The following SLX4 variants were observed in gnomAD, a reference collection of about 807,000 sequenced individuals.
SLX4 encodes structure-specific endonuclease subunit SLX4.
Under a neutral mutation model 146.2 loss-of-function variants are expected in SLX4, and 112 were observed. That is an observed-to-expected ratio of 0.77 (90% CI 0.66 to 0.90). The LOEUF is 0.90. SLX4 is among the 40% of genes least tolerant of loss of function. SLX4 has a pLI of 0.00. For missense variants in SLX4, 2,563 were observed against 2,392.7 expected, an observed-to-expected ratio of 1.07 and a Z score of -1.49; for synonymous variants, 1,061 against 997.7, an observed-to-expected ratio of 1.06 and a Z score of -1.20.
rs753755892 is a variant in SLX4 at position 3,591,226 on chromosome 16, T to C, written c.2412A>G (p.Glu804=). The change falls in exon 12 of 15, where the codon GAA becomes GAG. Residue 804 remains glutamate (E), a synonymous_variant. Coordinates refer to ENST00000294008, the MANE Select transcript of SLX4 (RefSeq NM_032444.4). The part of the protein sequence containing the change: ...DSEGKPWEEK[E]AENCESRAEN... ...CGGCCCTGCTTTCGCAATTCTCTGC[T>C]TCCTTCTCCTCCCATGGTTTGCCCT... 5.0e-6 allele frequency: 8 copies of C among 1,613,812 alleles called. No homozygotes were observed. The highest frequency in any genetic ancestry group is 5.9e-6 in the Non-Finnish European group (7 of 1,180,036).
Position 3,597,019 on chromosome 16 carries a change from C to A in SLX4, c.1683+360G>T, listed in dbSNP as rs1377888735. Among the ~76,000 whole-genome samples, 1 of 152,122 alleles carries A rather than the reference C, an allele frequency of 6.6e-6. No individual in the cohort carries two copies. The highest frequency in any genetic ancestry group is 2.4e-5 in the African/African-American group (1 of 41,416). On this transcript the variant is annotated intron_variant, in intron 7 of 14. Transcript: ENST00000294008. The surrounding 1 kb of genome is among the most constrained non-coding windows in gnomAD (Gnocchi z 4.4). ...TGTATTCTTAGTAGAGATGGGGTTT[C>A]ACCATATTAGCCAGGCTGGTCTCGA... is the stretch of plus-strand genomic sequence containing the variant.
intron 2 of SLX4, among the ~76,000 whole-genome samples, chr16:3,607,262 C>G (rs1436241339): frequency 2.6e-5 from 4 of 152,010 alleles, no homozygotes; most frequent in African/African-American, 9.7e-5. Context: ...GCAAAGAGCA[C>G]GAGAGACCAG....
In SLX4 at chr16:3,608,592, C is replaced by A; in HGVS notation, c.373G>T (p.Val125Leu). ...GGTTCACTTGCTTGCCATTTGGTTA[C>A]CCTTTGCTTTTTAGTCCTAGGGGCC... is the stretch of plus-strand genomic sequence containing the variant. Reference protein sequence around the residue: ...SQAPRTKKQRVTKWQASEPAH... With the variant: ...SQAPRTKKQRLTKWQASEPAH... Residue 125 changes from valine (V) to leucine (L), a missense_variant, in exon 2 of 15, where the codon GTA becomes TTA. Coordinates refer to ENST00000294008, the MANE Select transcript of SLX4 (RefSeq NM_032444.4). 6.2e-7 allele frequency: 1 copy of A among 1,614,126 alleles called. No individual in the cohort carries two copies. Among genetic ancestry groups the A allele is most frequent in the Non-Finnish European group, 8.5e-7 (1 of 1,180,024 alleles).
Position 3,592,262 on chromosome 16 carries a change from G to A in SLX4, c.2327+437C>T, listed in dbSNP as rs74915697. ...CTGCTGCCTCTCTCCTAAGATGCTG[G>A]CTGGACAAGCCAGGAGAGCTGTGGC... On this transcript the variant is annotated intron_variant, in intron 11 of 14. Transcript: ENST00000294008. 5.3e-3 allele frequency among the ~76,000 whole-genome samples: 804 copies of A among 152,370 alleles called. 11 individuals are homozygous for A. Among genetic ancestry groups the A allele is most frequent in the African/African-American group, 0.018 (758 of 41,588 alleles).
At chr16:3,582,991 CG>C in intron 14 of SLX4, 105 bp downstream of exon 14, 2 of 1,427,676 alleles carry the variant, frequency 1.4e-6, no homozygotes, top group Non-Finnish European at 2.0e-6. Flanking sequence ...CAGAAGGTGA[CG>C]GGGGTTTTTG....
At chr16:3,601,881 T>C in intron 4 of SLX4, 1 of 513,634 alleles carries the variant, frequency 1.9e-6, no homozygotes, top group Non-Finnish European at 3.5e-6. Context: ...GTGATTGTGG[T>C]GACAGTTGCC....
In SLX4 at chr16:3,596,404, C is replaced by A; in HGVS notation, c.1684-11G>T. 6.3e-7 allele frequency: 1 copy of A among 1,583,742 alleles called. No individual in the cohort carries two copies. The highest frequency in any genetic ancestry group is 8.6e-7 in the Non-Finnish European group (1 of 1,161,636). The stretch of plus-strand genomic sequence containing the variant: ...CTCCTGCATAAGGCCCTGAAAGAAG[C>A]CAGTAAGGAGAGTGACCACGTGGTC... On this transcript the variant is annotated splice_polypyrimidine_tract_variant and intron_variant, in intron 7 of 14. Coordinates refer to ENST00000294008, the MANE Select transcript of SLX4 (RefSeq NM_032444.4).
intron 12 of SLX4, among the ~76,000 whole-genome samples, chr16:3,587,851 GCTCA>G (rs2040525329): frequency 6.6e-6 from 1 of 152,202 alleles, no homozygotes; most frequent in Admixed American, 6.5e-5. Flanking sequence ...GCAGGCAGGT[GCTCA>G]CTCACAGCCT....
Position 3,597,257 on chromosome 16 carries a change from T to A in SLX4, c.1683+122A>T. The A allele has an allele frequency of 8.4e-7, 1 of 1,186,796 alleles. No homozygotes were observed. Among genetic ancestry groups the A allele is most frequent in the Non-Finnish European group, 1.2e-6 (1 of 867,684 alleles). 73.5% of individuals were successfully genotyped at this position (1,186,796 alleles called of 1,614,324 possible). Reference sequence around the variant, plus strand: ...GCCACCAAGTGCCCCTCTGGCCTCCTCCCGCCTCTGCCTTTCCTTCCTGGA... The same window carrying A: ...GCCACCAAGTGCCCCTCTGGCCTCCACCCGCCTCTGCCTTTCCTTCCTGGA... On this transcript the variant is annotated intron_variant, in intron 7 of 14. Transcript: ENST00000294008. This position sits in a 1 kb window ranked among gnomAD's most constrained non-coding sequence, Gnocchi z 4.4.
intron 5 of SLX4, among the ~76,000 whole-genome samples, chr16:3,598,371 C>T (rs183003210): frequency 2.0e-5 from 3 of 152,294 alleles, no homozygotes; most frequent in Admixed American, 2.0e-4. Flanking sequence ...TCAATACTTC[C>T]GATGCTCCTT....
chr16:3,608,311 T>C (rs1385650598), intron 2 of SLX4, 119 bp downstream of exon 2: 1 of 1,063,924 alleles, frequency 9.4e-7, no homozygotes, highest in Non-Finnish European at 1.5e-6. Flanking sequence ...GCTTTCTCAC[T>C]ATGACAGCAG....
In SLX4 at chr16:3,597,261, G is replaced by A. The variant is rs113168577; in HGVS notation, c.1683+118C>T. The stretch of plus-strand genomic sequence containing the variant: ...CCAAGTGCCCCTCTGGCCTCCTCCC[G>A]CCTCTGCCTTTCCTTCCTGGACTTT... On this transcript the variant is annotated intron_variant, in intron 7 of 14. Transcript: ENST00000294008. This position sits in a 1 kb window ranked among gnomAD's most constrained non-coding sequence, Gnocchi z 4.4. 4.4e-3 allele frequency: 5,302 copies of A among 1,216,754 alleles called. 136 individuals carry two copies. In the African/African-American group the frequency reaches 0.063, roughly 14 times the overall value. The allele number at this position is 1,216,754 out of a possible 1,614,324, so 75.4% of individuals were successfully genotyped here.
chr16:3,597,851 C>T lies in SLX4; in HGVS notation c.1312G>A (p.Val438Ile), dbSNP rs1425055103. Reference sequence around the variant, plus strand: ...GCACTTTCCAGCCTGAGCGCTGGTACAGCCGCACCCGGCTCCATCTCCGAC... The same window carrying T: ...GCACTTTCCAGCCTGAGCGCTGGTATAGCCGCACCCGGCTCCATCTCCGAC... ...SRSEMEPGAA[V>I]PALRLESAFS... Residue 438 changes from valine to isoleucine, a missense_variant, in exon 6 of 15, where the codon GTA becomes ATA. Physicochemically the swap from Val to Ile is conservative, Grantham distance 29. Transcript: ENST00000294008. The surrounding 1 kb of genome is among the most constrained non-coding windows in gnomAD (Gnocchi z 4.4). 3 of 1,614,012 alleles carry T rather than the reference C, an allele frequency of 1.9e-6. No homozygotes were observed. The highest frequency in any genetic ancestry group is 2.2e-5 in the East Asian group (1 of 44,892).
intron 3 of SLX4, 47 bp downstream of exon 3, chr16:3,606,427 T>C: frequency 1.3e-6 from 2 of 1,596,898 alleles, no homozygotes; most frequent in Non-Finnish European, 1.7e-6. Context: ...TCCTCAGAGT[T>C]GTATTAACTT....
chr16:3,582,557 G>T lies in SLX4; in HGVS notation c.5290C>A (p.Pro1764Thr), dbSNP rs1399015492. 1 of 1,613,812 alleles carries T rather than the reference G, an allele frequency of 6.2e-7. No individual in the cohort carries two copies. The highest frequency in any genetic ancestry group is 8.5e-7 in the Non-Finnish European group (1 of 1,180,044). ...AGCAGCACCTTCTGGTACAGGGCCG[G>T]CTTGGAGCGGATGTAGCACCTCAGC... ...EALRCYIRSK[P>T]ALYQKVLLYQ... The change falls in exon 15 of 15, where the codon CCG (proline) becomes ACG (threonine). Residue 1764 changes from proline to threonine, a missense_variant. Pro to Thr is a conservative substitution (Grantham distance 38, BLOSUM62 -1). Transcript: ENST00000294008.
Position 3,582,246 on chromosome 16 carries a change from G to T in SLX4, c.*96C>A. 2 of 1,057,106 alleles carry T rather than the reference G, an allele frequency of 1.9e-6. No homozygotes were observed. The highest frequency in any genetic ancestry group is 2.8e-6 in the Non-Finnish European group (2 of 719,472). 65.5% of individuals were successfully genotyped at this position (1,057,106 alleles called of 1,614,324 possible). On this transcript the variant is annotated 3_prime_UTR_variant, in exon 15 of 15. Transcript: ENST00000294008. ...GTCCCCAGGCCCAGAAATGCCTGTG[G>T]AGGCCTGACCCACGCTGGGTGTCCC...
chr16:3,603,950 C>T (rs1174541956), intron 3 of SLX4, among the ~76,000 whole-genome samples: 3 of 152,134 alleles, frequency 2.0e-5, no homozygotes, highest in Non-Finnish European at 2.9e-5. Context: ...TGTCATAGGG[C>T]TGGGTGTGGT....
At chr16:3,595,489 T>A (rs2040640956) in intron 9 of SLX4, 116 bp downstream of exon 9, 1 of 1,148,342 alleles carries the variant, frequency 8.7e-7, no homozygotes, top group Non-Finnish European at 1.3e-6. Flanking sequence ...GCAGAGGCCT[T>A]GAGAGGCCAC....
chr16:3,605,535 AAAC>A lies in SLX4; in HGVS notation c.760+936_760+938del, dbSNP rs1207785636. On this transcript the variant is annotated intron_variant, in intron 3 of 14. Coordinates refer to ENST00000294008, the MANE Select transcript of SLX4 (RefSeq NM_032444.4). The stretch of plus-strand genomic sequence containing the variant: ...ATCATGCCTGGCTTCATTGTAATTA[AAAC>A]AACAACAACAAAAAAACCTTTTCTG... 6.6e-5 allele frequency among the ~76,000 whole-genome samples: 10 copies of A among 152,200 alleles called. No homozygotes were observed. The South Asian group carries it at 1.0e-3, about 16-fold the overall frequency.
Sources: allele counts gnomAD v4.1 joint callset (sites outside exome capture counted in the v4.1 genomes callset), GRCh38; gene constraint gnomAD v4.1.1; non-coding constraint Gnocchi (gnomAD v3.1); transcripts MANE v1.5; gene names NCBI Gene and HGNC (gene_info 2026-07-23, HGNC 2026-07-21).